Variants in TCF7L2 observed in about 807,000 individuals in gnomAD.
TCF7L2 encodes transcription factor 7-like 2.
Under a neutral mutation model 77.9 loss-of-function variants are expected in TCF7L2, and 23 were observed. The observed-to-expected ratio is 0.30, with a 90% CI of 0.21 to 0.42. The LOEUF is 0.42. Among genes scored for constraint, TCF7L2 ranks in the 10% least tolerant of loss-of-function variants. TCF7L2 has a pLI of 1.00. For synonymous variants in TCF7L2, 413 were observed against 340.2 expected, an observed-to-expected ratio of 1.21 and a Z score of -2.36; for missense variants, 654 against 793.1, an observed-to-expected ratio of 0.82 and a Z score of 2.11.
intron 5 of TCF7L2, among the ~76,000 whole-genome samples, chr10:113,083,332 A>T (rs928798068): frequency 4.0e-5 from 6 of 151,426 alleles, no homozygotes; most frequent in African/African-American, 1.5e-4. Flanking sequence ...TGCCACTCAC[A>T]CCTTGCCACT....
chr10:112,998,736 TGGGC>T (rs2043949424), intron 4 of TCF7L2, among the ~76,000 whole-genome samples: 1 of 152,204 alleles, frequency 6.6e-6, no homozygotes, highest in Non-Finnish European at 1.5e-5. Context: ...CTGAGAAGCT[TGGGC>T]ACTTCACTGC....
At chr10:112,952,309 T>C (rs888800992) in intron 3 of TCF7L2, among the ~76,000 whole-genome samples, 1 of 152,096 alleles carries the variant, frequency 6.6e-6, no homozygotes, top group African/African-American at 2.4e-5. Flanking sequence ...CCCAGATTGG[T>C]CCCACCGCAA....
chr10:113,137,898 A>G (rs1191609494), intron 5 of TCF7L2, among the ~76,000 whole-genome samples: 1 of 152,192 alleles, frequency 6.6e-6, no homozygotes, highest in Admixed American at 6.5e-5. Context: ...GGGTGCACAC[A>G]CACCCCCAGC....
At chr10:113,142,424 G>T (rs1030401815) in intron 6 of TCF7L2, among the ~76,000 whole-genome samples, 14 of 152,222 alleles carry the variant, frequency 9.2e-5, no homozygotes, top group Non-Finnish European at 1.9e-4. Context: ...GCCTGGTGGG[G>T]TGGTCTTGGG....
At chr10:113,031,608 C>T (rs766091096) in intron 4 of TCF7L2, among the ~76,000 whole-genome samples, 1 of 152,014 alleles carries the variant, frequency 6.6e-6, no homozygotes. Context: ...CTGCTTTAGC[C>T]TCCCGAGTAG....
intron 4 of TCF7L2, among the ~76,000 whole-genome samples, chr10:113,011,344 G>T (rs113568338): frequency 6.6e-6 from 1 of 151,060 alleles, no homozygotes; most frequent in African/African-American, 2.4e-5. Flanking sequence ...TGGTGGTAGT[G>T]GGGGGTTTCC....
chr10:113,117,365 TTCTCTC>T (rs1247649039), intron 5 of TCF7L2, among the ~76,000 whole-genome samples: 1 of 122,154 alleles, frequency 8.2e-6, no homozygotes. Context: ...TGAAGGGATT[TTCTCTC>T]TCTCTCTCTC....
At chr10:113,081,863 G>C (rs1006930075) in intron 5 of TCF7L2, among the ~76,000 whole-genome samples, 1 of 152,166 alleles carries the variant, frequency 6.6e-6, no homozygotes, top group African/African-American at 2.4e-5. Context: ...GTGTCGCTCT[G>C]TTGCCCAGGC....
At chr10:113,089,511 C>T (rs769392473) in intron 5 of TCF7L2, 2 of 1,613,804 alleles carry the variant, frequency 1.2e-6, no homozygotes, top group South Asian at 1.1e-5. Flanking sequence ...CCACTCCTTA[C>T]AAAAAGTTGG....
intron 5 of TCF7L2, among the ~76,000 whole-genome samples, chr10:113,085,738 G>A (rs1359740461): frequency 6.6e-6 from 1 of 152,310 alleles, no homozygotes; most frequent in East Asian, 1.9e-4. Context: ...CAGCAGCCCT[G>A]TCAGTCTACC....
intron 4 of TCF7L2, among the ~76,000 whole-genome samples, chr10:113,023,703 C>G (rs1414802396): frequency 6.6e-6 from 1 of 151,880 alleles, no homozygotes; most frequent in Non-Finnish European, 1.5e-5. Flanking sequence ...GAGTCTCGCT[C>G]TGTTGCCCAG....
chr10:113,157,242 C>T (rs767090975), intron 11 of TCF7L2, among the ~76,000 whole-genome samples: 1 of 152,230 alleles, frequency 6.6e-6, no homozygotes, highest in African/African-American at 2.4e-5. Flanking sequence ...CCTCGGCCTC[C>T]CGAGTAGCTG....
intron 13 of TCF7L2, among the ~76,000 whole-genome samples, chr10:113,164,731 CT>C (rs1222139579): frequency 1.3e-5 from 2 of 151,800 alleles, no homozygotes; most frequent in Non-Finnish European, 2.9e-5. Context: ...TGTTTATCCT[CT>C]TCTACCTGTT....
chr10:112,994,132 T>G (rs2043070961), intron 4 of TCF7L2, among the ~76,000 whole-genome samples: 1 of 151,986 alleles, frequency 6.6e-6, no homozygotes, highest in African/African-American at 2.4e-5. Context: ...AGGTGTACAA[T>G]TGAGTGATTT....
In TCF7L2 at chr10:112,951,538, C is replaced by A; in HGVS notation, c.312C>A (p.Pro104=). Residue 104 remains proline (P), a synonymous_variant, in exon 3 of 14, where the codon CCC becomes CCA. Coordinates refer to ENST00000627217, the MANE Select transcript of TCF7L2 (RefSeq NM_001146274.2). Reference sequence around the variant, plus strand: ...AGGGGCCACCGTATCCCGGCTACCCCTTCATCATGATCCCCGACCTGACGA... The same window carrying A: ...AGGGGCCACCGTATCCCGGCTACCCATTCATCATGATCCCCGACCTGACGA... 7.0e-7 allele frequency: 1 copy of A among 1,426,670 alleles called. No individual in the cohort carries two copies. Among genetic ancestry groups the A allele is most frequent in the South Asian group, 1.2e-5 (1 of 82,480 alleles). The allele number at this position is 1,426,670 out of a possible 1,614,324, so 88.4% of individuals were successfully genotyped here.
chr10:113,107,350 C>A (rs548103893), intron 5 of TCF7L2, among the ~76,000 whole-genome samples: 39 of 152,246 alleles, frequency 2.6e-4, no homozygotes, highest in Admixed American at 2.3e-3. Flanking sequence ...CCCTCACCCC[C>A]TTCCCCTCCC....
intron 4 of TCF7L2, among the ~76,000 whole-genome samples, chr10:112,988,043 C>T (rs577425757): frequency 6.8e-6 from 1 of 147,740 alleles, no homozygotes; most frequent in South Asian, 2.2e-4. Context: ...TAGGAATGTA[C>T]AGTTTACTGG....
chr10:113,130,614 G>A (rs1159143436), intron 5 of TCF7L2, among the ~76,000 whole-genome samples: 2 of 152,028 alleles, frequency 1.3e-5, no homozygotes, highest in East Asian at 3.9e-4. Context: ...TATAAAATGT[G>A]TTTTGGAAAC....
At chr10:113,154,716 TAGCTC>T (rs958531013) in intron 11 of TCF7L2, among the ~76,000 whole-genome samples, 1 of 152,200 alleles carries the variant, frequency 6.6e-6, no homozygotes, top group Admixed American at 6.5e-5. Context: ...GAAATGACTT[TAGCTC>T]AGTTTTAAAT....
Sources: allele counts gnomAD v4.1 joint callset (sites outside exome capture counted in the v4.1 genomes callset), GRCh38; gene constraint gnomAD v4.1.1; transcripts MANE v1.5; gene names NCBI Gene and HGNC (gene_info 2026-07-23, HGNC 2026-07-21).